EDIL3: variants seen among roughly 807,000 people sequenced by gnomAD.
EDIL3 encodes EGF like and discoidin domains 3.
Under a neutral mutation model 67.4 loss-of-function variants are expected in EDIL3, and 37 were observed. The observed-to-expected ratio is 0.55, with a 90% confidence interval of 0.42 to 0.72. The LOEUF is 0.72. Ranked by LOEUF, EDIL3 falls within the 30% of genes least tolerant of loss-of-function variation. EDIL3 has a pLI of 0.00. For synonymous variants in EDIL3, 195 were observed against 196.3 expected, an observed-to-expected ratio of 0.99 and a Z score of 0.05; for missense variants, 527 against 586.3, an observed-to-expected ratio of 0.90 and a Z score of 1.04.
chr5:84,294,125 T>G (rs949426716), intron 1 of EDIL3, among the ~76,000 whole-genome samples: 1 of 150,880 alleles, frequency 6.6e-6, no homozygotes, highest in African/African-American at 2.5e-5. Flanking sequence ...GGCTCACGCC[T>G]GTAATCCCAG....
intron 2 of EDIL3, among the ~76,000 whole-genome samples, chr5:84,239,172 T>C (rs1048674338): frequency 6.6e-6 from 1 of 152,216 alleles, no homozygotes; most frequent in African/African-American, 2.4e-5. Context: ...AATTCTTTTC[T>C]TAACTGAGAT....
At chr5:84,053,489 A>C (rs1175029881) in intron 9 of EDIL3, among the ~76,000 whole-genome samples, 1 of 152,222 alleles carries the variant, frequency 6.6e-6, no homozygotes, top group Non-Finnish European at 1.5e-5. Flanking sequence ...AGAGACACAA[A>C]AAACCCTTCA....
chr5:84,367,086 A>C (rs1044019506), intron 1 of EDIL3, among the ~76,000 whole-genome samples: 14 of 152,238 alleles, frequency 9.2e-5, no homozygotes, highest in African/African-American at 3.4e-4. Context: ...AAATTATATC[A>C]TAGCATTTAG....
chr5:84,261,753 A>G (rs535557026), intron 1 of EDIL3, among the ~76,000 whole-genome samples: 24 of 152,290 alleles, frequency 1.6e-4, no homozygotes, highest in African/African-American at 5.5e-4. Context: ...CAAAAATCAA[A>G]TAAATGAACA....
intron 3 of EDIL3, among the ~76,000 whole-genome samples, chr5:84,222,677 T>A (rs1263134135): frequency 6.6e-6 from 1 of 151,864 alleles, no homozygotes; most frequent in Non-Finnish European, 1.5e-5. Flanking sequence ...CTTTTTGATA[T>A]CCTAACATGT....
chr5:84,119,990 A>C (rs1056818561), intron 5 of EDIL3, among the ~76,000 whole-genome samples: 1 of 152,002 alleles, frequency 6.6e-6, no homozygotes, highest in African/African-American at 2.4e-5. Flanking sequence ...TGTCTTGGGA[A>C]AAAAATTCAC....
intron 3 of EDIL3, among the ~76,000 whole-genome samples, chr5:84,190,186 T>G (rs1304078411): frequency 6.6e-6 from 1 of 151,976 alleles, no homozygotes. Flanking sequence ...CATGCAAAAT[T>G]TCTTGTAAAA....
chr5:84,034,281 C>T (rs1745979055), intron 9 of EDIL3, among the ~76,000 whole-genome samples: 1 of 152,112 alleles, frequency 6.6e-6, no homozygotes, highest in South Asian at 2.1e-4. Flanking sequence ...GAAAAGAATG[C>T]CACTCCTTTC....
chr5:83,944,715 A>C (rs1204097375), intron 10 of EDIL3, among the ~76,000 whole-genome samples: 1 of 151,944 alleles, frequency 6.6e-6, no homozygotes, highest in Non-Finnish European at 1.5e-5. Context: ...ATTTAGTTTA[A>C]ATTTTTAGAG....
chr5:84,278,984 A>C, intron 1 of EDIL3, among the ~76,000 whole-genome samples: 1 of 151,826 alleles, frequency 6.6e-6, no homozygotes, highest in East Asian at 1.9e-4. Context: ...TACTACTTTT[A>C]GCCTTGTTAC....
intron 1 of EDIL3, among the ~76,000 whole-genome samples, chr5:84,322,582 G>T (rs1746671110): frequency 6.6e-6 from 1 of 152,054 alleles, no homozygotes; most frequent in South Asian, 2.1e-4. Flanking sequence ...ACAGAGTCAA[G>T]CATATTAACT....
At chr5:84,120,860 A>G (rs1409026831) in intron 5 of EDIL3, among the ~76,000 whole-genome samples, 1 of 151,930 alleles carries the variant, frequency 6.6e-6, no homozygotes, top group Non-Finnish European at 1.5e-5. Context: ...AGAAATACTA[A>G]GCACTAAGTA....
intron 6 of EDIL3, among the ~76,000 whole-genome samples, chr5:84,098,880 G>A (rs1422330935): frequency 6.6e-6 from 1 of 152,052 alleles, no homozygotes; most frequent in Non-Finnish European, 1.5e-5. Context: ...CATTCCCAAA[G>A]CTATCAGAAG....
rs569953482 is a variant in EDIL3 at position 84,026,470 on chromosome 5, T to C, written c.1137+33830A>G. On this transcript the variant is annotated intron_variant, in intron 9 of 10. Coordinates refer to ENST00000296591, the MANE Select transcript of EDIL3 (RefSeq NM_005711.5). ...TTACAACAGAGATTCAGTTCAGTCATCATTTTTTTTCATGGAGTTTTACTA... is the reference window on the plus strand; with the variant it reads ...TTACAACAGAGATTCAGTTCAGTCACCATTTTTTTTCATGGAGTTTTACTA... 5.3e-5 allele frequency among the ~76,000 whole-genome samples: 8 copies of C among 152,308 alleles called. No individual in the cohort carries two copies. The East Asian group carries it at 1.5e-3, about 29-fold the overall frequency.
At chr5:83,945,493 T>C (rs1744294379) in intron 10 of EDIL3, among the ~76,000 whole-genome samples, 2 of 152,102 alleles carry the variant, frequency 1.3e-5, no homozygotes, top group South Asian at 4.1e-4. Context: ...TCATTAACTT[T>C]CATTGCAAGA....
chr5:84,384,405 G>C lies in EDIL3; in HGVS notation c.-31C>G. On this transcript the variant is annotated 5_prime_UTR_variant, in exon 1 of 11. Coordinates refer to ENST00000296591, the MANE Select transcript of EDIL3 (RefSeq NM_005711.5). ...CGTCTCCCGGACGTGACCCCGGCTG[G>C]TCAGGGGTCGTCGCGGAGGGCAGTG... 6.2e-7 allele frequency: 1 copy of C among 1,611,384 alleles called. No homozygotes were observed. Among genetic ancestry groups the C allele is most frequent in the East Asian group, 2.2e-5 (1 of 44,684 alleles).
intron 3 of EDIL3, among the ~76,000 whole-genome samples, chr5:84,226,312 C>T (rs1443393220): frequency 1.3e-5 from 2 of 151,292 alleles, no homozygotes; most frequent in Non-Finnish European, 3.0e-5. Context: ...AGAGTGAAAA[C>T]AGAATATTAA....
chr5:84,192,159 T>C (rs1339490907), intron 3 of EDIL3, among the ~76,000 whole-genome samples: 1 of 151,722 alleles, frequency 6.6e-6, no homozygotes, highest in Non-Finnish European at 1.5e-5. Flanking sequence ...TCATAAGATT[T>C]TTTTACCCTT....
intron 4 of EDIL3, among the ~76,000 whole-genome samples, chr5:84,171,700 T>C (rs536004246): frequency 9.8e-5 from 15 of 152,356 alleles, no homozygotes; most frequent in African/African-American, 2.6e-4. Context: ...TGACTATTTC[T>C]GTGCTTAGTT....
Sources: allele counts gnomAD v4.1 joint callset (sites outside exome capture counted in the v4.1 genomes callset), GRCh38; gene constraint gnomAD v4.1.1; transcripts MANE v1.5; gene names NCBI Gene and HGNC (gene_info 2026-07-23, HGNC 2026-07-21).